Variants in USH2A observed in about 807,000 individuals in gnomAD.
USH2A encodes the protein usherin.
A neutral mutation model predicts 538.9 loss-of-function variants in USH2A; 443 were observed. That is an observed-to-expected ratio of 0.82 (90% CI 0.76 to 0.89). The LOEUF is 0.89. Among genes scored for constraint, USH2A ranks in the 40% least tolerant of loss-of-function variants. USH2A has a pLI of 0.00. For missense variants in USH2A, 6,633 were observed against 6,324.8 expected (o/e 1.05, Z -1.65); for synonymous variants, 2,413 against 2,273.5 (o/e 1.06, Z -1.75).
At chr1:215,964,030 A>C (rs1007672425) in intron 37 of USH2A, among the ~76,000 whole-genome samples, 2 of 152,164 alleles carry the variant, frequency 1.3e-5, no homozygotes, top group African/African-American at 2.4e-5. Context: ...GCAGCTTTGC[A>C]ACATTTAATA....
intron 40 of USH2A, among the ~76,000 whole-genome samples, chr1:215,899,376 T>C (rs1665433308): frequency 6.6e-6 from 1 of 152,214 alleles, no homozygotes; most frequent in East Asian, 1.9e-4. Flanking sequence ...TGTAGCTTGA[T>C]TTAATTTCTA....
chr1:216,270,610 C>T (rs942170642), intron 11 of USH2A, among the ~76,000 whole-genome samples: 2 of 152,106 alleles, frequency 1.3e-5, no homozygotes, highest in Non-Finnish European at 1.5e-5. Context: ...TCAGAATTGC[C>T]ATCACTAACC....
chr1:215,766,902 A>G, intron 55 of USH2A, 114 bp from the exon 56 acceptor site: 1 of 970,156 alleles, frequency 1.0e-6, no homozygotes, highest in Non-Finnish European at 1.6e-6. Context: ...ATTTAAGAGT[A>G]CTCTCTAAAA....
At chr1:215,709,613 T>C (rs1302441272) in intron 61 of USH2A, among the ~76,000 whole-genome samples, 4 of 146,638 alleles carry the variant, frequency 2.7e-5, no homozygotes, top group Non-Finnish European at 4.5e-5. Flanking sequence ...CCAGTAATAC[T>C]TTTTGGAAGA....
intron 21 of USH2A, among the ~76,000 whole-genome samples, chr1:216,171,654 T>C (rs2034278871): frequency 6.6e-6 from 1 of 152,070 alleles, no homozygotes; most frequent in Admixed American, 6.6e-5. Flanking sequence ...TGGTAGGCAC[T>C]GTGCAAAGTT....
rs142096814 is a variant in USH2A at position 216,409,326 on chromosome 1, C to T, written c.651+9188G>A. Among the ~76,000 whole-genome samples the T allele has an allele frequency of 5.3e-3, 810 of 152,168 alleles. 3 individuals carry two copies. The highest frequency in any genetic ancestry group is 0.019 in the African/African-American group (776 of 41,532). Reference sequence around the variant, plus strand: ...TATTGCCCAAAGCAATTTACAGATTCAGTGCTATTTCTATCAAACAAACAA... The same window carrying T: ...TATTGCCCAAAGCAATTTACAGATTTAGTGCTATTTCTATCAAACAAACAA... On this transcript the variant is annotated intron_variant, in intron 3 of 71. Coordinates refer to ENST00000307340, the MANE Select transcript of USH2A (RefSeq NM_206933.4).
chr1:216,009,693 C>T (rs1022207201), intron 32 of USH2A, among the ~76,000 whole-genome samples: 11 of 152,170 alleles, frequency 7.2e-5, no homozygotes, highest in African/African-American at 2.4e-4. Flanking sequence ...GACTGCTCCT[C>T]GCCAGGCCAA....
intron 4 of USH2A, among the ~76,000 whole-genome samples, chr1:216,350,199 C>A (rs1490820089): frequency 6.6e-6 from 1 of 152,144 alleles, no homozygotes; most frequent in African/African-American, 2.4e-5. Flanking sequence ...AGAATCCAAT[C>A]ATCTCCCACC....
chr1:215,967,031 C>T (rs562576469), intron 36 of USH2A, among the ~76,000 whole-genome samples: 7 of 152,146 alleles, frequency 4.6e-5, no homozygotes, highest in Admixed American at 2.0e-4. Flanking sequence ...ATCTACCTTG[C>T]TGTAAAAGGA....
intron 47 of USH2A, among the ~76,000 whole-genome samples, chr1:215,823,704 TA>T (rs1663076297): frequency 6.6e-6 from 1 of 152,080 alleles, no homozygotes; most frequent in African/African-American, 2.4e-5. Context: ...GTTTTCTATA[TA>T]CCTTGTAGGT....
chr1:216,365,031 G>A lies in USH2A; in HGVS notation c.706C>T (p.Pro236Ser), dbSNP rs762558966. ...CCACTTAGAGTTCTTGCATTGAAAG[G>A]TGTATGATCCTTCTCCACGCCATTG... Reference protein sequence around the residue: ...FINGVEKDHTPFNARTLSGSI... With the variant: ...FINGVEKDHTSFNARTLSGSI... Residue 236 changes from proline (P) to serine (S), a missense_variant, in exon 4 of 72, where the codon CCT (proline) becomes TCT (serine). Physicochemically the swap from Pro to Ser is moderately conservative, Grantham distance 74. Coordinates refer to ENST00000307340, the MANE Select transcript of USH2A (RefSeq NM_206933.4). 6.2e-7 allele frequency: 1 copy of A among 1,613,674 alleles called. No homozygotes were observed. Among genetic ancestry groups the A allele is most frequent in the Non-Finnish European group, 8.5e-7 (1 of 1,179,754 alleles).
chr1:216,408,563 A>G (rs2039432927), intron 3 of USH2A, among the ~76,000 whole-genome samples: 1 of 152,242 alleles, frequency 6.6e-6, no homozygotes, highest in Non-Finnish European at 1.5e-5. Flanking sequence ...TCAGAATTTC[A>G]TGGACAGAAG....
intron 55 of USH2A, among the ~76,000 whole-genome samples, chr1:215,774,119 A>T (rs1661384301): frequency 6.6e-6 from 1 of 152,132 alleles, no homozygotes; most frequent in Non-Finnish European, 1.5e-5. Context: ...TTATGAATTC[A>T]GTTGCTACCT....
At chr1:216,103,350 GT>G (rs1484973625) in intron 21 of USH2A, among the ~76,000 whole-genome samples, 1 of 152,194 alleles carries the variant, frequency 6.6e-6, no homozygotes, top group Non-Finnish European at 1.5e-5. Flanking sequence ...AAAACCAAAT[GT>G]GTCTCTCTTG....
intron 35 of USH2A, among the ~76,000 whole-genome samples, chr1:215,977,976 A>C (rs1667662829): frequency 6.6e-6 from 1 of 152,082 alleles, no homozygotes; most frequent in South Asian, 2.1e-4. Context: ...AAATGCAAAA[A>C]GTTAGTTGGG....
chr1:215,995,931 A>C (rs1259323155), intron 34 of USH2A, among the ~76,000 whole-genome samples: 1 of 152,142 alleles, frequency 6.6e-6, no homozygotes, highest in Non-Finnish European at 1.5e-5. Flanking sequence ...GTTGTTGTTG[A>C]GATGGAGTCT....
chr1:215,738,634 A>G (rs888502482), intron 60 of USH2A, among the ~76,000 whole-genome samples: 1 of 152,152 alleles, frequency 6.6e-6, no homozygotes, highest in Non-Finnish European at 1.5e-5. Flanking sequence ...TTAAAAAATA[A>G]AGGACAGTTA....
At chr1:215,786,627 C>T (rs1266461868) in intron 52 of USH2A, 43 bp downstream of exon 52, 1 of 1,606,320 alleles carries the variant, frequency 6.2e-7, no homozygotes, top group Non-Finnish European at 8.5e-7. Flanking sequence ...CAGCTTCTCA[C>T]TAACCCCATT....
At position 215,934,778 on chromosome 1, in the gene USH2A, G is replaced by A. The variant is rs1308006303; in HGVS notation, c.7138C>T (p.Leu2380Phe). ...TACATGACTTTTGTGACATTCAGAA[G>A]GGTGTAGTTATTACCTACTGATTAA... The part of the protein sequence containing the change: ...YVDPVGNNYT[L>F]LNVTKVMYSG... The change falls in exon 38 of 72, where the codon CTT (leucine) becomes TTT (phenylalanine). Residue 2380 changes from leucine to phenylalanine, a missense_variant. Leu to Phe is a conservative substitution (Grantham distance 22). Transcript: ENST00000307340. 4.3e-6 allele frequency: 7 copies of A among 1,612,076 alleles called. No individual in the cohort carries two copies. Among genetic ancestry groups the A allele is most frequent in the African/African-American group, 1.3e-5 (1 of 74,788 alleles).
Sources: gnomAD v4.1 joint callset for allele counts (sites outside exome capture counted in the v4.1 genomes callset) on GRCh38, gnomAD v4.1.1 for gene constraint, MANE v1.5 for transcripts, NCBI Gene and HGNC (gene_info 2026-07-23, HGNC 2026-07-21) for gene names.